The following SUPT3H variants were observed in gnomAD, a reference collection of about 807,000 sequenced individuals.
SUPT3H encodes the protein SPT3 homolog, SAGA and STAGA complex component.
In SUPT3H, 44 loss-of-function variants were observed where a neutral mutation model predicts 44.3. That is an observed-to-expected ratio of 0.99 (90% CI 0.78 to 1.28). SUPT3H has a LOEUF of 1.28. Among genes scored for constraint, SUPT3H ranks in the 50% most tolerant of loss-of-function variants. The pLI is 0.00. For missense variants in SUPT3H, 380 were observed against 387.1 expected, an observed-to-expected ratio of 0.98 and a Z score of 0.15; for synonymous variants, 124 against 125.6, an observed-to-expected ratio of 0.99 and a Z score of 0.09.
chr6:44,900,164 G>A (rs1764742734), intron 10 of SUPT3H, among the ~76,000 whole-genome samples: 3 of 152,232 alleles, frequency 2.0e-5, no homozygotes, highest in South Asian at 2.1e-4. Context: ...GGGGAATGTC[G>A]TAAAGTGGGT....
At chr6:45,086,492 G>A (rs1158478892) in intron 3 of SUPT3H, among the ~76,000 whole-genome samples, 2 of 151,956 alleles carry the variant, frequency 1.3e-5, no homozygotes, top group African/African-American at 4.8e-5. Context: ...ATGCTTGCAT[G>A]ACTAAATGTG....
intron 2 of SUPT3H, among the ~76,000 whole-genome samples, chr6:45,356,905 T>C (rs746947326): frequency 2.0e-5 from 3 of 152,206 alleles, no homozygotes; most frequent in Non-Finnish European, 2.9e-5. Flanking sequence ...ATTTACAGAA[T>C]TTACTGTAAC....
At chr6:45,200,123 TGAAA>T (rs775351221) in intron 2 of SUPT3H, among the ~76,000 whole-genome samples, 5 of 151,442 alleles carry the variant, frequency 3.3e-5, no homozygotes, top group Non-Finnish European at 5.9e-5. Flanking sequence ...AGCAAAATGA[TGAAA>T]GAAAAACATT....
At chr6:45,193,216 A>C (rs1429193051) in intron 2 of SUPT3H, among the ~76,000 whole-genome samples, 1 of 152,024 alleles carries the variant, frequency 6.6e-6, no homozygotes, top group East Asian at 1.9e-4. Context: ...CACCAAAAAA[A>C]CCCCACTTAT....
intron 3 of SUPT3H, chr6:45,097,957 T>G (rs1765367505): frequency 6.5e-6 from 1 of 152,682 alleles, no homozygotes; most frequent in Admixed American, 6.5e-5. Context: ...CTGGGTCTGA[T>G]AGGATTGTGG....
intron 9 of SUPT3H, 131 bp downstream of exon 9, chr6:44,953,179 C>G: frequency 1.5e-6 from 1 of 672,048 alleles, no homozygotes; most frequent in Middle Eastern, 3.1e-4. Flanking sequence ...ATTTGAATGT[C>G]TAATGTATTA....
At chr6:44,813,713 A>C (rs1223000209) in intron 11 of SUPT3H, among the ~76,000 whole-genome samples, 2 of 151,960 alleles carry the variant, frequency 1.3e-5, no homozygotes, top group Non-Finnish European at 2.9e-5. Context: ...AAATAAAAAA[A>C]ATTTAAGAAT....
chr6:45,185,199 G>C (rs1468509225), intron 2 of SUPT3H, among the ~76,000 whole-genome samples: 1 of 152,154 alleles, frequency 6.6e-6, no homozygotes, highest in East Asian at 1.9e-4. Flanking sequence ...CAGCAGCAAG[G>C]AGACTTTATT....
chr6:44,941,062 A>C (rs142737537), intron 9 of SUPT3H, among the ~76,000 whole-genome samples: 7 of 152,024 alleles, frequency 4.6e-5, no homozygotes, highest in Non-Finnish European at 7.4e-5. Flanking sequence ...CATTTATGTC[A>C]TGGTTAATAT....
intron 2 of SUPT3H, among the ~76,000 whole-genome samples, chr6:45,333,352 T>C (rs934782718): frequency 6.6e-6 from 1 of 151,554 alleles, no homozygotes; most frequent in African/African-American, 2.4e-5. Flanking sequence ...AAACAGACCA[T>C]ACATTCCCAT....
chr6:45,233,996 T>C (rs966075067), intron 2 of SUPT3H, among the ~76,000 whole-genome samples: 2 of 152,226 alleles, frequency 1.3e-5, no homozygotes, highest in African/African-American at 4.8e-5. Context: ...TCTCAAATTC[T>C]TACTGTCTAA....
chr6:45,373,803 T>C (rs968393054), intron 1 of SUPT3H, among the ~76,000 whole-genome samples: 2 of 152,136 alleles, frequency 1.3e-5, no homozygotes, highest in African/African-American at 4.8e-5. Context: ...TCCACCCATC[T>C]CAGCCTCCCA....
chr6:45,141,250 G>C (rs1200421748), intron 2 of SUPT3H, among the ~76,000 whole-genome samples: 1 of 127,104 alleles, frequency 7.9e-6, no homozygotes, highest in Non-Finnish European at 1.6e-5. Context: ...TGAGACAGGA[G>C]AATCACTTGA....
At chr6:45,362,816 G>A (rs1249270613) in intron 2 of SUPT3H, among the ~76,000 whole-genome samples, 2 of 150,932 alleles carry the variant, frequency 1.3e-5, no homozygotes, top group Non-Finnish European at 2.9e-5. Flanking sequence ...ATAAGAAAGT[G>A]CTGAATTTAG....
chr6:45,308,771 CA>C (rs1783504084), intron 2 of SUPT3H, among the ~76,000 whole-genome samples: 17 of 140,492 alleles, frequency 1.2e-4, no homozygotes, highest in South Asian at 9.2e-4. Context: ...AAAAAAAAGT[CA>C]AAAAAAATAA....
intron 3 of SUPT3H, among the ~76,000 whole-genome samples, chr6:45,050,745 T>C (rs1790149556): frequency 6.6e-6 from 1 of 152,138 alleles, no homozygotes; most frequent in Non-Finnish European, 1.5e-5. Context: ...TCCCCAGTGT[T>C]CAAATACTTA....
intron 2 of SUPT3H, among the ~76,000 whole-genome samples, chr6:45,360,058 T>A (rs1793979285): frequency 1.3e-5 from 2 of 152,210 alleles, no homozygotes; most frequent in East Asian, 3.8e-4. Context: ...CTGTTGAAAG[T>A]CATTTATAAA....
intron 2 of SUPT3H, among the ~76,000 whole-genome samples, chr6:45,248,799 C>A (rs1415840562): frequency 6.6e-6 from 1 of 151,800 alleles, no homozygotes; most frequent in African/African-American, 2.4e-5. Context: ...CCTGTAGTCC[C>A]AGCTACTTGG....
intron 2 of SUPT3H, among the ~76,000 whole-genome samples, chr6:45,290,621 A>C (rs1261649134): frequency 6.6e-6 from 1 of 152,176 alleles, no homozygotes; most frequent in East Asian, 1.9e-4. Context: ...AAATATTTTT[A>C]AAAAACTAAA....
Sources: gnomAD v4.1 joint callset for allele counts (sites outside exome capture counted in the v4.1 genomes callset) on GRCh38, gnomAD v4.1.1 for gene constraint, MANE v1.5 for transcripts, NCBI Gene and HGNC (gene_info 2026-07-23, HGNC 2026-07-21) for gene names.